SERPINH1: variants seen among roughly 807,000 people sequenced by gnomAD.
The protein encoded by SERPINH1 is serpin family H member 1.
In SERPINH1, 22 loss-of-function variants were observed where a neutral mutation model predicts 32.3. That is an observed-to-expected ratio of 0.68 (90% confidence interval 0.49 to 0.97). The LOEUF (loss-of-function observed/expected upper bound fraction) is 0.97. Among genes scored for constraint, SERPINH1 ranks in the 50% least tolerant of loss-of-function variants. The probability of loss-of-function intolerance (pLI) is 0.00; values close to 1 mark genes in which losing one functional copy is unlikely to be tolerated. For missense variants in SERPINH1, 543 were observed against 576.4 expected, an observed-to-expected ratio of 0.94 and a Z score of 0.59; for synonymous variants, 251 against 245.9, an observed-to-expected ratio of 1.02 and a Z score of -0.19.
chr11:75,563,490 A>AG (rs1277820665), intron 1 of SERPINH1: 5 of 151,976 alleles, frequency 3.3e-5, no homozygotes, highest in Non-Finnish European at 7.3e-5. Context: ...AGCCCTCAGG[A>AG]GGGGCTCTGT....
chr11:75,571,712 G>A (rs1942196870), intron 4 of SERPINH1, 69 bp from the exon 5 acceptor site: 6 of 1,456,478 alleles, frequency 4.1e-6, no homozygotes, highest in South Asian at 1.1e-5. Flanking sequence ...GTAGTATGGG[G>A]TGGAGGGTTT....
chr11:75,571,876 C>T lies in SERPINH1; in HGVS notation c.1050C>T (p.Ser350=), dbSNP rs750465183. The part of the protein sequence containing the change: ...MSGKKDLYLA[S]VFHATAFELD... ...GCAAGAAGGACCTGTACCTGGCCAG[C>T]GTGTTCCACGCCACCGCCTTTGAGT... Residue 350 remains serine (S), a synonymous_variant, in exon 5 of 5, where the codon AGC becomes AGT. Transcript: ENST00000358171. 28 of 1,614,082 alleles carry T rather than the reference C, an allele frequency of 1.7e-5. No homozygotes were observed. The highest frequency in any genetic ancestry group is 4.0e-5 in the African/African-American group (3 of 74,946).
chr11:75,569,325 G>A, intron 4 of SERPINH1, 154 bp downstream of exon 4: 3 of 626,414 alleles, frequency 4.8e-6, no homozygotes, highest in South Asian at 1.9e-5. Flanking sequence ...GGCAGGAGGT[G>A]TGGGCCATGC....
At chr11:75,565,756 G>C (rs548507010) in intron 1 of SERPINH1, among the ~76,000 whole-genome samples, 43 of 152,320 alleles carry the variant, frequency 2.8e-4, no homozygotes, top group Non-Finnish European at 5.4e-4. Flanking sequence ...GCAGCCCTCC[G>C]GCTCTGTCCC....
At position 75,572,658 on chromosome 11, in the gene SERPINH1, TG is replaced by T. The variant is rs1942220409; in HGVS notation, c.*576del. ...TCTGGCGTTGTGGGGATGAACTTTT[TG>T]TTTTGTTTCTTCCTTTTTTAGTTCT... On this transcript the variant is annotated 3_prime_UTR_variant, in exon 5 of 5. Transcript: ENST00000358171. 1 of 157,240 alleles carries T rather than the reference TG, an allele frequency of 6.4e-6. No homozygotes were observed. Among genetic ancestry groups the T allele is most frequent in the South Asian group, 1.9e-4 (1 of 5,238 alleles). 9.7% of individuals were successfully genotyped at this position (157,240 alleles called of 1,614,324 possible).
chr11:75,566,357 C>A lies in SERPINH1; in HGVS notation c.8C>A (p.Ser3Tyr). 6.2e-7 allele frequency: 1 copy of A among 1,609,140 alleles called. No homozygotes were observed. Among genetic ancestry groups the A allele is most frequent in the Non-Finnish European group, 8.5e-7 (1 of 1,178,508 alleles). MR[S>Y]LLLLSAFCLL... ...GCAAACCACTTCCTGGCCATGCGCT[C>A]CCTCCTGCTTCTCAGCGCCTTCTGC... Residue 3 changes from serine (S) to tyrosine (Y), a missense_variant, in exon 2 of 5, where the codon TCC (serine) becomes TAC (tyrosine). By Grantham distance (144) the Ser-to-Tyr change is moderately radical. Around this residue, in one of 3 missense-constraint regions of SERPINH1, gnomAD observed 109 missense variants for 102.4 expected, o/e 1.06. Coordinates refer to ENST00000358171, the MANE Select transcript of SERPINH1 (RefSeq NM_001235.5).
rs561786753 is a variant in SERPINH1 at position 75,566,667 on chromosome 11, G to A, written c.318G>A (p.Glu106=). Residue 106 remains glutamate, a synonymous_variant, in exon 2 of 5, where the codon GAG becomes GAA. Transcript: ENST00000358171. The part of the protein sequence containing the change: ...VLSAEQLRDE[E]VHAGLGELLR... ...GCGCCGAGCAGCTGCGCGACGAGGA[G>A]GTGCACGCCGGCCTGGGCGAGCTGC... 6.2e-7 allele frequency: 1 copy of A among 1,608,322 alleles called. No individual in the cohort carries two copies. Among genetic ancestry groups the A allele is most frequent in the Non-Finnish European group, 8.5e-7 (1 of 1,178,124 alleles).
intron 1 of SERPINH1, among the ~76,000 whole-genome samples, chr11:75,565,963 C>T (rs139920229): frequency 3.9e-5 from 6 of 152,312 alleles, no homozygotes; most frequent in Admixed American, 2.6e-4. Context: ...GTACTAGGCA[C>T]GGGAGATATA....
In SERPINH1 at chr11:75,562,286, A is replaced by G. The variant is rs1159687502; in HGVS notation, c.-68A>G. 1 of 151,776 alleles carries G rather than the reference A, an allele frequency of 6.6e-6. No individual in the cohort carries two copies. Among genetic ancestry groups the G allele is most frequent in the African/African-American group, 2.4e-5 (1 of 41,192 alleles). The allele number at this position is 151,776 out of a possible 1,614,324, so 9.4% of individuals were successfully genotyped here. ...AATCGTGTCGCGGCTCGAGAGCGAGAGTCACGTCCCGGCGCTAGCCCAGCC... is the reference window on the plus strand; with the variant it reads ...AATCGTGTCGCGGCTCGAGAGCGAGGGTCACGTCCCGGCGCTAGCCCAGCC... On this transcript the variant is annotated 5_prime_UTR_variant, in exon 1 of 5. Transcript: ENST00000358171.
chr11:75,564,914 C>T (rs1942047105), intron 1 of SERPINH1, among the ~76,000 whole-genome samples: 1 of 152,222 alleles, frequency 6.6e-6, no homozygotes, highest in South Asian at 2.1e-4. Flanking sequence ...CAGCCAGAGT[C>T]CTGAGGGTCT....
Position 75,568,743 on chromosome 11 carries a change from A to T in SERPINH1, c.635A>T (p.Glu212Val). Residue 212 changes from glutamate (E) to valine (V), a missense_variant, in exon 3 of 5, where the codon GAG (glutamate) becomes GTG (valine). Coordinates refer to ENST00000358171, the MANE Select transcript of SERPINH1 (RefSeq NM_001235.5). Reference sequence around the variant, plus strand: ...GCCCCAACTACAGCACACTGGGATGAGAAATTCCACCACAAGATGGTGGAC... The same window carrying T: ...GCCCCAACTACAGCACACTGGGATGTGAAATTCCACCACAAGATGGTGGAC... Reference protein sequence around the residue: ...NAMFFKPHWDEKFHHKMVDNR... With the variant: ...NAMFFKPHWDVKFHHKMVDNR... The T allele has an allele frequency of 1.9e-6, 3 of 1,612,978 alleles. No homozygotes were observed. The highest frequency in any genetic ancestry group is 2.5e-6 in the Non-Finnish European group (3 of 1,179,784).
At chr11:75,562,879 C>T (rs1942002821) in intron 1 of SERPINH1, 1 of 152,158 alleles carries the variant, frequency 6.6e-6, no homozygotes, top group Non-Finnish European at 1.5e-5. Context: ...CGTCTCGACT[C>T]CTGGGGTCCG....
chr11:75,565,161 G>A (rs1400456335), intron 1 of SERPINH1, among the ~76,000 whole-genome samples: 1 of 152,226 alleles, frequency 6.6e-6, no homozygotes, highest in Non-Finnish European at 1.5e-5. Flanking sequence ...AGGGAACTGG[G>A]GCTTGTCCTT....
At position 75,566,763 on chromosome 11, in the gene SERPINH1, C is replaced by A. The variant is rs751862278; in HGVS notation, c.414C>A (p.Ser138Arg). 6.2e-7 allele frequency: 1 copy of A among 1,613,240 alleles called. No homozygotes were observed. Among genetic ancestry groups the A allele is most frequent in the Middle Eastern group, 1.6e-4 (1 of 6,062 alleles). Reference sequence around the variant, plus strand: ...TGGGCAGCCGACTGTACGGACCCAGCTCAGTGAGCTTCGCTGATGACTTCG... The same window carrying A: ...TGGGCAGCCGACTGTACGGACCCAGATCAGTGAGCTTCGCTGATGACTTCG... ...WKLGSRLYGP[S>R]SVSFADDFVR... The change falls in exon 2 of 5, where the codon AGC (serine) becomes AGA (arginine). Residue 138 changes from serine (S) to arginine (R), a missense_variant. By Grantham distance (110) the Ser-to-Arg change is moderately radical. Coordinates refer to ENST00000358171, the MANE Select transcript of SERPINH1 (RefSeq NM_001235.5).
intron 2 of SERPINH1, among the ~76,000 whole-genome samples, chr11:75,567,426 A>G (rs965606134): frequency 6.6e-6 from 1 of 152,180 alleles, no homozygotes; most frequent in Non-Finnish European, 1.5e-5. Flanking sequence ...GCTTCAAGCA[A>G]TTCTCCTGCC....
rs650241 is a variant in SERPINH1 at position 75,566,712 on chromosome 11, C to G, written c.363C>G (p.Ser121=). ...AGCTGCTGCGCTCACTCAGCAACTCCACGGCGCGCAACGTGACCTGGAAGC... is the reference window on the plus strand; with the variant it reads ...AGCTGCTGCGCTCACTCAGCAACTCGACGGCGCGCAACGTGACCTGGAAGC... ...LGELLRSLSN[S]TARNVTWKLG... The change falls in exon 2 of 5, where the codon TCC becomes TCG. Residue 121 remains serine, a synonymous_variant. Coordinates refer to ENST00000358171, the MANE Select transcript of SERPINH1 (RefSeq NM_001235.5). 519,913 of 1,610,876 alleles carry G rather than the reference C, an allele frequency of 0.32. 86,517 individuals are homozygous for G. The highest frequency in any genetic ancestry group is 0.47 in the South Asian group (42,580 of 90,954).
chr11:75,572,255 TCACTC>T lies in SERPINH1; in HGVS notation c.*177_*181del, dbSNP rs1253923538. ...CTGAGCGGACCTTCCCAGCTAGAAT[TCACTC>T]CACTTGGACATGGGCCCCAGATACC... On this transcript the variant is annotated 3_prime_UTR_variant, in exon 5 of 5. Coordinates refer to ENST00000358171, the MANE Select transcript of SERPINH1 (RefSeq NM_001235.5). 1 of 686,966 alleles carries T rather than the reference TCACTC, an allele frequency of 1.5e-6. No individual in the cohort carries two copies. Among genetic ancestry groups the T allele is most frequent in the Non-Finnish European group, 2.6e-6 (1 of 385,456 alleles). 42.6% of individuals were successfully genotyped at this position (686,966 alleles called of 1,614,324 possible). A position where few individuals can be genotyped will look rare whatever the true frequency, so the allele number is the denominator to read the frequency against.
chr11:75,565,753 TC>T (rs2135550497), intron 1 of SERPINH1, among the ~76,000 whole-genome samples: 1 of 152,336 alleles, frequency 6.6e-6, no homozygotes, highest in South Asian at 2.1e-4. Flanking sequence ...GGGGCAGCCC[TC>T]CGGCTCTGTC....
At position 75,562,272 on chromosome 11, in the gene SERPINH1, G is replaced by A. The variant is rs984291337; in HGVS notation, c.-82G>A. 9 of 152,150 alleles carry A rather than the reference G, an allele frequency of 5.9e-5. No individual in the cohort carries two copies. The highest frequency in any genetic ancestry group is 1.4e-4 in the African/African-American group (6 of 41,402). 9.4% of individuals were successfully genotyped at this position (152,150 alleles called of 1,614,324 possible). ...CGGGCTAAGAGTAGAATCGTGTCGC[G>A]GCTCGAGAGCGAGAGTCACGTCCCG... is the stretch of plus-strand genomic sequence containing the variant. On this transcript the variant is annotated 5_prime_UTR_variant, in exon 1 of 5. Coordinates refer to ENST00000358171, the MANE Select transcript of SERPINH1 (RefSeq NM_001235.5).
Sources: gnomAD v4.1 joint callset for allele counts (sites outside exome capture counted in the v4.1 genomes callset) on GRCh38, gnomAD v4.1.1 for gene constraint, gnomAD v4.1.1 regional missense constraint, MANE v1.5 for transcripts, NCBI Gene and HGNC (gene_info 2026-07-23, HGNC 2026-07-21) for gene names.